Variants in CRLF2 observed in about 807,000 individuals in gnomAD.
CRLF2 encodes the protein cytokine receptor like factor 2.
In CRLF2, 41 loss-of-function variants were observed where a neutral mutation model predicts 38.7. That is an observed-to-expected ratio of 1.06 (90% confidence interval 0.83 to 1.37). CRLF2 has a LOEUF of 1.37. CRLF2 is among the 40% of genes most tolerant of loss of function. The pLI is 0.00. For missense variants in CRLF2, 377 were observed against 322.2 expected (o/e 1.17, Z -1.30); for synonymous variants, 140 against 128.8 (o/e 1.09, Z -0.59).
At chrX:1,209,807 C>G (rs768545613) in intron 1 of CRLF2, among the ~76,000 whole-genome samples, 1 of 152,088 alleles carries the variant, frequency 6.6e-6, no homozygotes, top group South Asian at 2.1e-4. Context: ...CACACACCAA[C>G]TTCAGAAATG....
chrX:1,211,875 AGATGGATG>A (rs1256351492), intron 1 of CRLF2, among the ~76,000 whole-genome samples: 3 of 36,878 alleles, frequency 8.1e-5, no homozygotes, highest in African/African-American at 2.0e-4. Flanking sequence ...ATGTATTGGT[AGATGGATG>A]GGTGGATGGG....
intron 7 of CRLF2, among the ~76,000 whole-genome samples, 192 bp from the exon 8 acceptor site, chrX:1,191,352 T>C (rs1490527050): frequency 8.3e-6 from 1 of 120,468 alleles, no homozygotes. Context: ...TTTCCTTCTT[T>C]CTTTCTTTCC....
intron 7 of CRLF2, among the ~76,000 whole-genome samples, chrX:1,192,691 CTTTT>C (rs1371518156): frequency 2.3e-5 from 3 of 132,588 alleles, no homozygotes; most frequent in Non-Finnish European, 5.0e-5. Flanking sequence ...TTTTCTCTTT[CTTTT>C]TCTTTTCTTT....
chrX:1,199,042 G>C (rs1455444141), intron 4 of CRLF2: 5 of 428,378 alleles, frequency 1.2e-5, no homozygotes, highest in Non-Finnish European at 2.2e-5. Context: ...CCAGCTACTT[G>C]GGAGGCTGAG....
chrX:1,193,388 A>G (rs1261700679), intron 6 of CRLF2, 86 bp from the exon 7 acceptor site: 10 of 397,956 alleles, frequency 2.5e-5, no homozygotes, highest in African/African-American at 1.9e-4. Flanking sequence ...CATGGACCCC[A>G]GGGACAGACC....
In CRLF2 at chrX:1,190,860, G is replaced by A. The variant is rs1330108923; in HGVS notation, c.*37C>T. The A allele has an allele frequency of 1.8e-5, 7 of 398,544 alleles. No homozygotes were observed. The highest frequency in any genetic ancestry group is 6.2e-4 in the Middle Eastern group (1 of 1,610). The allele number at this position is 398,544 out of a possible 1,614,324, so 24.7% of individuals were successfully genotyped here. Reference sequence around the variant, plus strand: ...GTCCCCTCTGTCTTTAAATGTCAACGTGGATCCTGACGTTGACTTTGACAG... The same window carrying A: ...GTCCCCTCTGTCTTTAAATGTCAACATGGATCCTGACGTTGACTTTGACAG... On this transcript the variant is annotated 3_prime_UTR_variant, in exon 8 of 8. Coordinates refer to ENST00000400841, the MANE Select transcript of CRLF2 (RefSeq NM_022148.4).
At chrX:1,203,174 A>G (rs568195872) in intron 3 of CRLF2, among the ~76,000 whole-genome samples, 4 of 150,238 alleles carry the variant, frequency 2.7e-5, no homozygotes, top group African/African-American at 9.8e-5. Context: ...GTTAGTTAGG[A>G]TGAGGTCATA....
At chrX:1,193,953 T>C (rs2086437685) in intron 6 of CRLF2, among the ~76,000 whole-genome samples, 1 of 150,050 alleles carries the variant, frequency 6.7e-6, no homozygotes, top group South Asian at 2.1e-4. Flanking sequence ...AGAGCGAGAC[T>C]CCGTCTCAAA....
intron 7 of CRLF2, among the ~76,000 whole-genome samples, chrX:1,191,681 A>G (rs1472327432): frequency 2.6e-5 from 4 of 151,150 alleles, no homozygotes; most frequent in Non-Finnish European, 5.9e-5. Flanking sequence ...ACAGACGTGC[A>G]CCACCACACA....
intron 1 of CRLF2, 101 bp from the exon 2 acceptor site, chrX:1,209,009 C>T: frequency 1.4e-6 from 1 of 738,148 alleles, no homozygotes; most frequent in Non-Finnish European, 2.2e-6. Context: ...ACTCTGTTGC[C>T]CAGGCTGGAG....
At chrX:1,195,937 A>G (rs1262135617) in intron 6 of CRLF2, among the ~76,000 whole-genome samples, 1 of 141,832 alleles carries the variant, frequency 7.1e-6, no homozygotes, top group Non-Finnish European at 1.5e-5. Context: ...TACATTAAAT[A>G]TATTTATATA....
intron 3 of CRLF2, among the ~76,000 whole-genome samples, chrX:1,206,068 G>C (rs1176954592): frequency 6.6e-6 from 1 of 151,934 alleles, no homozygotes; most frequent in Admixed American, 6.6e-5. Flanking sequence ...ACGGTAATCA[G>C]CTGAAGGAAG....
Position 1,196,811 on chromosome X carries a change from G to A in CRLF2, c.736C>T (p.Leu246Phe), listed in dbSNP as rs2086485284. The A allele has an allele frequency of 1.2e-6, 2 of 1,613,464 alleles. No individual in the cohort carries two copies. The highest frequency in any genetic ancestry group is 1.7e-5 in the Admixed American group (1 of 59,954). Reference protein sequence around the residue: ...SSLAILLMVSLLLLSLWKLWR... With the variant: ...SSLAILLMVSFLLLSLWKLWR... ...AATTTCCATAAAGACAGAAGGAGGA[G>A]AGACACCATCAGAAGGATGGCCAGG... Residue 246 changes from leucine (L) to phenylalanine (F), a missense_variant, in exon 6 of 8, where the codon CTC becomes TTC. Coordinates refer to ENST00000400841, the MANE Select transcript of CRLF2 (RefSeq NM_022148.4).
intron 5 of CRLF2, 129 bp from the exon 6 acceptor site, chrX:1,197,029 T>A (rs1253808409): frequency 8.1e-6 from 6 of 745,284 alleles, no homozygotes; most frequent in African/African-American, 1.8e-5. Flanking sequence ...TTTTCTTGGT[T>A]CTCGTTGTTT....
At chrX:1,202,970 C>T (rs188123579) in intron 3 of CRLF2, among the ~76,000 whole-genome samples, 3 of 151,788 alleles carry the variant, frequency 2.0e-5, no homozygotes, top group African/African-American at 7.2e-5. Flanking sequence ...TGGTGGCCAG[C>T]GCTTGTAATC....
At chrX:1,191,648 C>T (rs1202444011) in intron 7 of CRLF2, among the ~76,000 whole-genome samples, 1 of 151,592 alleles carries the variant, frequency 6.6e-6, no homozygotes, top group East Asian at 2.0e-4. Context: ...TCTCCTGCCT[C>T]AGCCTCCTGA....
chrX:1,196,990 G>C (rs9803466), intron 5 of CRLF2, 90 bp from the exon 6 acceptor site: 381,088 of 1,039,476 alleles, frequency 0.37, 72,749 homozygotes, highest in Admixed American at 0.59. Context: ...TCCCTAACCA[G>C]TCTCCCTCAT....
In CRLF2 at chrX:1,212,416, C is replaced by CG. The variant is rs1556427506; in HGVS notation, c.79+139dup. On this transcript the variant is annotated intron_variant, in intron 1 of 7. Transcript: ENST00000400841. ...CTGAGGCAGGAGAATTGCTTGAACC[C>CG]GGAAAAAAAAAAAAAAAAAAAAGAA... The CG allele has an allele frequency of 2.7e-5, 15 of 563,754 alleles. No individual in the cohort carries two copies. The East Asian group carries it at 3.5e-4, about 13-fold the overall frequency. 34.9% of individuals were successfully genotyped at this position (563,754 alleles called of 1,614,324 possible).
At chrX:1,210,590 A>T (rs113652413) in intron 1 of CRLF2, among the ~76,000 whole-genome samples, 1 of 152,160 alleles carries the variant, frequency 6.6e-6, no homozygotes, top group Non-Finnish European at 1.5e-5. Context: ...GATTACAGGC[A>T]TGAGCCACAG....
Sources: gnomAD v4.1 joint callset for allele counts (sites outside exome capture counted in the v4.1 genomes callset) on GRCh38, gnomAD v4.1.1 for gene constraint, MANE v1.5 for transcripts, NCBI Gene and HGNC (gene_info 2026-07-23, HGNC 2026-07-21) for gene names.